Variants in THSD7B observed in about 807,000 individuals in gnomAD.
THSD7B encodes thrombospondin type 1 domain containing 7B.
Under a neutral mutation model 213.6 loss-of-function variants are expected in THSD7B, and 138 were observed. That is an observed-to-expected ratio of 0.65 (90% CI 0.56 to 0.74). The LOEUF (loss-of-function observed/expected upper bound fraction) is 0.74, where lower values mean the gene tolerates loss of function less well. THSD7B is among the 30% of genes least tolerant of loss of function. The pLI is 0.00. For synonymous variants in THSD7B, 742 were observed against 687.0 expected (o/e 1.08, Z -1.25); for missense variants, 1,931 against 1,991.5 (o/e 0.97, Z 0.58).
rs183698219 is a variant in THSD7B at position 137,481,896 on chromosome 2, G to A, written c.3138+30873G>A. Among the ~76,000 whole-genome samples, 190 of 152,266 alleles carry A rather than the reference G, an allele frequency of 1.2e-3. 1 individual carries two copies. Among genetic ancestry groups the A allele is most frequent in the African/African-American group, 3.8e-3 (157 of 41,546 alleles). ...AATAACATTCTACAAGAGTTTAGCC[G>A]GCTGGCCGCAGTGGCTCACACCTGT... On this transcript the variant is annotated intron_variant, in intron 15 of 27. Coordinates refer to ENST00000409968, the MANE Select transcript of THSD7B (RefSeq NM_001316349.2).
At chr2:136,871,258 A>G (rs925779987) in intron 1 of THSD7B, among the ~76,000 whole-genome samples, 2 of 152,156 alleles carry the variant, frequency 1.3e-5, no homozygotes, top group Non-Finnish European at 2.9e-5. Context: ...GGTTGAAGAT[A>G]GGGGAATAGA....
At chr2:137,589,684 A>G (rs527461327) in intron 17 of THSD7B, among the ~76,000 whole-genome samples, 51 of 152,328 alleles carry the variant, frequency 3.3e-4, no homozygotes, top group African/African-American at 1.2e-3. Context: ...TTTAAGGCAT[A>G]TAAATGTATT....
chr2:137,572,421 G>T lies in THSD7B; in HGVS notation c.3288G>T (p.Ala1096=). ...QSRKIRCVNT[A]DGEGGAVDSN... ...TGCTTTACAGATGTGTGAATACTGC[G>T]GATGGTGAAGGTGGAGCAGTGGATA... The change falls in exon 17 of 28, where the codon GCG becomes GCT. Residue 1096 remains alanine (A), a synonymous_variant. Transcript: ENST00000409968. The T allele has an allele frequency of 6.2e-7, 1 of 1,613,750 alleles. No homozygotes were observed. The highest frequency in any genetic ancestry group is 1.1e-5 in the South Asian group (1 of 91,074).
At chr2:137,654,147 T>G (rs570782214) in intron 21 of THSD7B, among the ~76,000 whole-genome samples, 34 of 152,328 alleles carry the variant, frequency 2.2e-4, no homozygotes, top group African/African-American at 7.7e-4. Flanking sequence ...TTTTTAGCAC[T>G]ATATAGCATC....
chr2:136,895,653 A>G (rs961988353), intron 2 of THSD7B, among the ~76,000 whole-genome samples: 42 of 151,426 alleles, frequency 2.8e-4, no homozygotes, highest in Non-Finnish European at 5.3e-4. Context: ...TACCAATTTA[A>G]AATGTATAAT....
chr2:136,989,439 C>A (rs1217664284), intron 2 of THSD7B, among the ~76,000 whole-genome samples: 2 of 151,832 alleles, frequency 1.3e-5, no homozygotes, highest in Non-Finnish European at 2.9e-5. Flanking sequence ...TGCTTGTTCT[C>A]TCTCTCTTCC....
intron 2 of THSD7B, among the ~76,000 whole-genome samples, chr2:136,912,039 AG>A (rs1211558853): frequency 2.6e-5 from 4 of 152,046 alleles, no homozygotes; most frequent in African/African-American, 9.7e-5. Context: ...AGGAGGGGCC[AG>A]GTGCAGTGGC....
At chr2:137,138,956 G>T (rs753544449) in intron 5 of THSD7B, among the ~76,000 whole-genome samples, 12 of 151,994 alleles carry the variant, frequency 7.9e-5, no homozygotes, top group Admixed American at 3.3e-4. Context: ...CTATAAGGTG[G>T]TATGATTATG....
chr2:137,400,976 C>T (rs1391620801), intron 12 of THSD7B, among the ~76,000 whole-genome samples: 2 of 152,152 alleles, frequency 1.3e-5, no homozygotes, highest in Admixed American at 1.3e-4. Flanking sequence ...GGTTGAATGG[C>T]TTAGGTGAAA....
At chr2:137,585,081 C>T (rs1216640245) in intron 17 of THSD7B, among the ~76,000 whole-genome samples, 1 of 152,046 alleles carries the variant, frequency 6.6e-6, no homozygotes, top group African/African-American at 2.4e-5. Flanking sequence ...TTGTATGTGT[C>T]CAGGAATTTA....
chr2:136,860,084 C>T (rs1298533949), intron 1 of THSD7B, among the ~76,000 whole-genome samples: 1 of 135,026 alleles, frequency 7.4e-6, no homozygotes, highest in East Asian at 2.3e-4. Flanking sequence ...GCGGCGTGAT[C>T]TCGGCGCACT....
intron 14 of THSD7B, among the ~76,000 whole-genome samples, chr2:137,430,706 A>G (rs1272806057): frequency 6.6e-6 from 1 of 152,228 alleles, no homozygotes; most frequent in Admixed American, 6.5e-5. Flanking sequence ...TCAGAAAGGT[A>G]ATTCTGACTT....
chr2:137,281,717 G>A (rs62171118), intron 12 of THSD7B, among the ~76,000 whole-genome samples: 5 of 151,992 alleles, frequency 3.3e-5, no homozygotes, highest in African/African-American at 7.2e-5. Flanking sequence ...TCCATGTCCC[G>A]ACAAAGGACA....
intron 2 of THSD7B, among the ~76,000 whole-genome samples, chr2:136,906,976 A>G (rs1311884504): frequency 1.3e-5 from 1 of 75,110 alleles, no homozygotes; most frequent in African/African-American, 5.6e-5. Context: ...AGAGGGTCTG[A>G]CTTTGTCACC....
intron 2 of THSD7B, among the ~76,000 whole-genome samples, chr2:137,030,409 C>T (rs534234021): frequency 2.0e-5 from 3 of 152,090 alleles, no homozygotes; most frequent in South Asian, 2.1e-4. Flanking sequence ...CCAGTAGGCA[C>T]GAGTTTAGGC....
chr2:137,237,602 C>T (rs148722934), intron 9 of THSD7B, among the ~76,000 whole-genome samples: 167 of 152,336 alleles, frequency 1.1e-3, no homozygotes, highest in African/African-American at 3.8e-3. Flanking sequence ...ACAGCATCAG[C>T]ACCCCAAAAG....
At chr2:137,573,438 T>C (rs904435291) in intron 17 of THSD7B, among the ~76,000 whole-genome samples, 2 of 152,086 alleles carry the variant, frequency 1.3e-5, no homozygotes, top group Admixed American at 6.6e-5. Flanking sequence ...TTATTAAATA[T>C]TGAGCCCTTA....
chr2:137,209,918 C>T (rs944223148), intron 7 of THSD7B, among the ~76,000 whole-genome samples: 1 of 151,586 alleles, frequency 6.6e-6, no homozygotes, highest in Non-Finnish European at 1.5e-5. Flanking sequence ...AAGGTGAACC[C>T]TGTTTGAATC....
intron 1 of THSD7B, among the ~76,000 whole-genome samples, chr2:136,817,105 T>C (rs778200): frequency 0.99 from 150,168 of 152,306 alleles, 74,069 homozygotes; most frequent in East Asian, 1. Flanking sequence ...CGAAAAACAA[T>C]GCTAGCAGTA....
Sources: gnomAD v4.1 joint callset for allele counts (sites outside exome capture counted in the v4.1 genomes callset) on GRCh38, gnomAD v4.1.1 for gene constraint, MANE v1.5 for transcripts, NCBI Gene and HGNC (gene_info 2026-07-23, HGNC 2026-07-21) for gene names.